Variants in DNTT observed in about 807,000 individuals in gnomAD.
DNTT encodes the protein DNA nucleotidylexotransferase.
In DNTT, 47 loss-of-function variants were observed where a neutral mutation model predicts 60.9. That is an observed-to-expected ratio of 0.77 (90% CI 0.61 to 0.98). The LOEUF is 0.98. Among genes scored for constraint, DNTT ranks in the 50% least tolerant of loss-of-function variants. The probability of loss-of-function intolerance (pLI) is 0.00; values close to 1 mark genes in which losing one functional copy is unlikely to be tolerated. For synonymous variants in DNTT, 224 were observed against 221.2 expected (o/e 1.01, Z -0.11); for missense variants, 665 against 627.5 (o/e 1.06, Z -0.64).
At position 96,337,935 on chromosome 10, in the gene DNTT, C is replaced by G. The variant is rs185069637; in HGVS notation, c.1444-203C>G. Among the ~76,000 whole-genome samples the G allele has an allele frequency of 2.0e-5, 3 of 152,210 alleles. No homozygotes were observed. In the East Asian group the frequency reaches 5.8e-4, roughly 29 times the overall value. ...ATGGCTTTTGCTGAATATGTTAAAGCTGTTATGATTTTACTTTAATTCATT... is the reference window on the plus strand; with the variant it reads ...ATGGCTTTTGCTGAATATGTTAAAGGTGTTATGATTTTACTTTAATTCATT... On this transcript the variant is annotated intron_variant, in intron 10 of 10. Transcript: ENST00000371174.
chr10:96,322,115 G>T (rs970509613), intron 4 of DNTT, among the ~76,000 whole-genome samples: 2 of 152,112 alleles, frequency 1.3e-5, no homozygotes, highest in African/African-American at 4.8e-5. Flanking sequence ...ACTGAACGGT[G>T]TTTAGGGATT....
chr10:96,325,321 A>G (rs981334398), intron 6 of DNTT, among the ~76,000 whole-genome samples: 11 of 152,348 alleles, frequency 7.2e-5, no homozygotes, highest in African/African-American at 2.6e-4. Flanking sequence ...AAGATCCAGT[A>G]TTTATATTCC....
chr10:96,332,978 A>C (rs938325124), intron 9 of DNTT, among the ~76,000 whole-genome samples: 10 of 152,216 alleles, frequency 6.6e-5, no homozygotes, highest in African/African-American at 2.4e-4. Flanking sequence ...CCACTGAAGT[A>C]CAGAAACCAG....
chr10:96,323,194 G>A (rs1206724654), intron 5 of DNTT, among the ~76,000 whole-genome samples: 1 of 152,166 alleles, frequency 6.6e-6, no homozygotes, highest in African/African-American at 2.4e-5. Flanking sequence ...AGCTACTTGG[G>A]AGATTGAGAC....
intron 1 of DNTT, among the ~76,000 whole-genome samples, chr10:96,314,309 CTT>C (rs1844757098): frequency 6.7e-6 from 1 of 148,606 alleles, no homozygotes; most frequent in Non-Finnish European, 1.5e-5. Context: ...AGCACATAGA[CTT>C]TGATGAGAAC....
At chr10:96,320,838 G>C (rs139029808) in intron 4 of DNTT, 50 bp downstream of exon 4, 3 of 1,597,878 alleles carry the variant, frequency 1.9e-6, no homozygotes, top group South Asian at 1.1e-5. Flanking sequence ...AGGTGGGAAC[G>C]GGGGAGAGAG....
Position 96,319,488 on chromosome 10 carries a change from G to T in DNTT, c.507+98G>T, listed in dbSNP as rs765675938. ...ATTATAAATTTTTCTGAAAACCTGGGAAAGTTTTCCTCCCACCTACCTGCA... is the reference window on the plus strand; with the variant it reads ...ATTATAAATTTTTCTGAAAACCTGGTAAAGTTTTCCTCCCACCTACCTGCA... On this transcript the variant is annotated intron_variant, in intron 3 of 10. Coordinates refer to ENST00000371174, the MANE Select transcript of DNTT (RefSeq NM_004088.4). 8.9e-5 allele frequency: 138 copies of T among 1,556,036 alleles called. 1 individual carries two copies. Among genetic ancestry groups the T allele is most frequent in the Non-Finnish European group, 1.2e-4 (134 of 1,146,764 alleles).
At chr10:96,309,794 T>C (rs1844687935) in intron 1 of DNTT, among the ~76,000 whole-genome samples, 1 of 152,218 alleles carries the variant, frequency 6.6e-6, no homozygotes, top group African/African-American at 2.4e-5. Flanking sequence ...AGAAAGTTCA[T>C]CACTGCCAGG....
Position 96,327,527 on chromosome 10 carries a change from A to G in DNTT, c.934A>G (p.Ser312Gly), listed in dbSNP as rs1844950509. Residue 312 changes from serine (S) to glycine (G), a missense_variant, in exon 7 of 11, where the codon AGT becomes GGT. Ser to Gly is a moderately conservative substitution (Grantham distance 56). Coordinates refer to ENST00000371174, the MANE Select transcript of DNTT (RefSeq NM_004088.4). ...GACCAGGGCAGAAGCAGAGGCCGTC[A>G]GTGTGCTGGTTAAAGAGGCTGTCTG... ...CVTRAEAEAV[S>G]VLVKEAVWAF... is the part of the protein sequence containing the mutation. 1.9e-6 allele frequency: 3 copies of G among 1,614,158 alleles called. No individual in the cohort carries two copies. Among genetic ancestry groups the G allele is most frequent in the East Asian group, 4.5e-5 (2 of 44,890 alleles).
chr10:96,328,587 T>A, intron 7 of DNTT, 138 bp from the exon 8 acceptor site: 1 of 725,970 alleles, frequency 1.4e-6, no homozygotes, highest in African/African-American at 1.8e-5. Context: ...TAACCAAGGA[T>A]ATTTTGTTTC....
chr10:96,306,730 T>C (rs956988902), intron 1 of DNTT: 1 of 152,204 alleles, frequency 6.6e-6, no homozygotes, highest in Non-Finnish European at 1.5e-5. Context: ...GGAAGCTCAC[T>C]GGTGCATGGT....
chr10:96,307,766 TA>T (rs1254066665), intron 1 of DNTT, among the ~76,000 whole-genome samples: 2 of 115,218 alleles, frequency 1.7e-5, no homozygotes, highest in Non-Finnish European at 3.4e-5. Context: ...TGCATATATA[TA>T]TATATATATA....
chr10:96,327,697 G>A (rs559090544), intron 7 of DNTT, 97 bp downstream of exon 7: 2 of 1,508,676 alleles, frequency 1.3e-6, no homozygotes, highest in South Asian at 2.7e-5. Flanking sequence ...GCTGTGATCT[G>A]GTGCCAGCTT....
rs749613838 is a variant in DNTT, at chr10:96,319,361, A to T, written c.478A>T (p.Thr160Ser). The T allele has an allele frequency of 1.1e-5, 17 of 1,613,840 alleles. No homozygotes were observed. Among genetic ancestry groups the T allele is most frequent in the Non-Finnish European group, 9.3e-6 (11 of 1,179,766 alleles). ...ISQYACQRRT[T>S]LNNCNQIFTD... ...CCAGTATGCGTGTCAGAGAAGAACC[A>T]CTTTAAACAACTGTAACCAGATATT... The change falls in exon 3 of 11, where the codon ACT becomes TCT. Residue 160 changes from threonine to serine, a missense_variant. Coordinates refer to ENST00000371174, the MANE Select transcript of DNTT (RefSeq NM_004088.4).
At chr10:96,330,443 T>TTGTG (rs1844992843) in intron 8 of DNTT, among the ~76,000 whole-genome samples, 1 of 152,136 alleles carries the variant, frequency 6.6e-6, no homozygotes, top group Non-Finnish European at 1.5e-5. Flanking sequence ...AGGCTGCTAT[T>TTGTG]CTGTACTAGT....
chr10:96,332,351 G>T lies in DNTT; in HGVS notation c.1114G>T (p.Gly372Ter). ...CTGATGCCATTCTGTTTCTTTTCAG[G>T]GATTACTTTTATATTATGACCTTGT... ...QKVMNLWEKK[G>*]LLLYYDLVES... Residue 372 changes from glycine (G) to a stop codon, truncating the protein, a stop_gained and splice_region_variant, in exon 9 of 11, where the codon GGA becomes TGA. Coordinates refer to ENST00000371174, the MANE Select transcript of DNTT (RefSeq NM_004088.4). LOFTEE classifies it high-confidence loss of function. 6.2e-7 allele frequency: 1 copy of T among 1,611,934 alleles called. No individual in the cohort carries two copies. The highest frequency in any genetic ancestry group is 1.3e-5 in the African/African-American group (1 of 74,892).
At position 96,304,670 on chromosome 10, in the gene DNTT, G is replaced by A. The variant is rs1472584788; in HGVS notation, c.173G>A (p.Arg58Lys). Residue 58 changes from arginine to lysine, a missense_variant, in exon 1 of 11, where the codon AGG (arginine) becomes AAG (lysine). Transcript: ENST00000371174. ...GCGTTCCTCATGGAGCTGGCCCGCA[G>A]GAAAGGGTTCAGGGTTGAAAATGAG... ...RRAFLMELAR[R>K]KGFRVENELS... 3.1e-6 allele frequency: 5 copies of A among 1,613,984 alleles called. No individual in the cohort carries two copies. Among genetic ancestry groups the A allele is most frequent in the Non-Finnish European group, 4.2e-6 (5 of 1,180,022 alleles).
intron 6 of DNTT, among the ~76,000 whole-genome samples, chr10:96,327,158 T>C (rs980096572): frequency 6.6e-5 from 10 of 152,224 alleles, no homozygotes; most frequent in Non-Finnish European, 1.2e-4. Context: ...CACAGCCTAT[T>C]GATCAAGAAG....
chr10:96,319,202 G>T, intron 2 of DNTT, 60 bp from the exon 3 acceptor site: 2 of 1,560,648 alleles, frequency 1.3e-6, no homozygotes, highest in Non-Finnish European at 1.7e-6. Flanking sequence ...AATTTTTTCC[G>T]TACATATCTG....
Sources: allele counts gnomAD v4.1 joint callset (sites outside exome capture counted in the v4.1 genomes callset), GRCh38; gene constraint gnomAD v4.1.1; transcripts MANE v1.5; gene names NCBI Gene and HGNC (gene_info 2026-07-23, HGNC 2026-07-21).